The following RNF4 variants were observed in gnomAD, a reference collection of about 807,000 sequenced individuals.
RNF4 encodes E3 ubiquitin-protein ligase RNF4.
RNF4 carries 7 observed loss-of-function variants against 24.3 expected under a neutral mutation model. The observed-to-expected ratio is 0.29, with a 90% CI of 0.16 to 0.54. The LOEUF (loss-of-function observed/expected upper bound fraction) is 0.54. Among genes scored for constraint, RNF4 ranks in the 20% least tolerant of loss-of-function variants. The pLI is 0.95. For synonymous variants in RNF4, 83 were observed against 84.3 expected (o/e 0.98, Z 0.09); for missense variants, 209 against 248.5 (o/e 0.84, Z 1.07).
rs1405785113 is a variant in RNF4 at position 2,497,102 on chromosome 4, C to T, written c.105C>T (p.Pro35=). The change falls in exon 3 of 8, where the codon CCC becomes CCT. Residue 35 remains proline (P), a synonymous_variant. Transcript: ENST00000314289. The part of the protein sequence containing the change: ...STPEISLEAE[P]IELVETAGDE... ...CCGAGATCTCCTTGGAAGCAGAACCCATAGAACTCGTGGAAACTGGTAAGA... is the reference window on the plus strand; with the variant it reads ...CCGAGATCTCCTTGGAAGCAGAACCTATAGAACTCGTGGAAACTGGTAAGA... The T allele has an allele frequency of 6.2e-7, 1 of 1,608,034 alleles. No homozygotes were observed. Among genetic ancestry groups the T allele is most frequent in the Non-Finnish European group, 8.5e-7 (1 of 1,177,378 alleles).
intron 1 of RNF4, among the ~76,000 whole-genome samples, chr4:2,475,452 C>A (rs1560398839): frequency 6.6e-6 from 1 of 152,206 alleles, no homozygotes; most frequent in East Asian, 1.9e-4. Context: ...CATTCTCCTG[C>A]CTCAGCCTCC....
intron 1 of RNF4, among the ~76,000 whole-genome samples, chr4:2,478,997 T>G (rs1388715177): frequency 6.6e-6 from 1 of 152,140 alleles, no homozygotes; most frequent in Non-Finnish European, 1.5e-5. Context: ...GCCACAGGGG[T>G]GGAGCTGCCT....
At chr4:2,491,259 CAG>C (rs1214668894) in intron 2 of RNF4, among the ~76,000 whole-genome samples, 1 of 152,148 alleles carries the variant, frequency 6.6e-6, no homozygotes, top group African/African-American at 2.4e-5. Context: ...GTTTTTGAAA[CAG>C]GGTCTCGCTC....
chr4:2,476,891 C>G (rs1179937152), intron 1 of RNF4, among the ~76,000 whole-genome samples: 1 of 151,710 alleles, frequency 6.6e-6, no homozygotes, highest in Non-Finnish European at 1.5e-5. Context: ...AAGTGATTCA[C>G]CTGTCTCAGC....
At chr4:2,472,893 A>G (rs954438687) in intron 1 of RNF4, among the ~76,000 whole-genome samples, 1 of 151,770 alleles carries the variant, frequency 6.6e-6, no homozygotes, top group African/African-American at 2.4e-5. Context: ...ACAAAAAATT[A>G]GCCGGTCTTG....
At chr4:2,497,175 C>A in intron 3 of RNF4, 54 bp downstream of exon 3, 2 of 1,382,512 alleles carry the variant, frequency 1.4e-6, no homozygotes, top group Non-Finnish European at 1.0e-6. Flanking sequence ...AGAGAGAACA[C>A]TGTACCAGGG....
chr4:2,508,034 C>T (rs573281299), intron 4 of RNF4, among the ~76,000 whole-genome samples: 4 of 152,052 alleles, frequency 2.6e-5, no homozygotes, highest in Admixed American at 6.6e-5. Flanking sequence ...TTTGTATTGA[C>T]GGGATCTCGC....
In RNF4 at chr4:2,514,166, G is replaced by A. The variant is rs11542962; in HGVS notation, c.*347G>A. Reference sequence around the variant, plus strand: ...TTGGAAAGTTTGCCCCAGCTTTCCCGGGCACACCACCTTTTGTCCCAAGTG... The same window carrying A: ...TTGGAAAGTTTGCCCCAGCTTTCCCAGGCACACCACCTTTTGTCCCAAGTG... On this transcript the variant is annotated 3_prime_UTR_variant, in exon 8 of 8. Transcript: ENST00000314289. The A allele has an allele frequency of 6.3e-5, 17 of 268,900 alleles. No homozygotes were observed. The highest frequency in any genetic ancestry group is 1.2e-4 in the Non-Finnish European group (16 of 137,692). The allele number at this position is 268,900 out of a possible 1,614,324, so 16.7% of individuals were successfully genotyped here.
chr4:2,500,646 C>T lies in RNF4; in HGVS notation c.125-13C>T, dbSNP rs2108770175. Reference sequence around the variant, plus strand: ...CTTAATCTTAATGCTTGTTGAAATACTTTCTTTTGAAGCTGGAGATGAAAT... The same window carrying T: ...CTTAATCTTAATGCTTGTTGAAATATTTTCTTTTGAAGCTGGAGATGAAAT... On this transcript the variant is annotated splice_polypyrimidine_tract_variant and intron_variant, in intron 3 of 7. Transcript: ENST00000314289. 6.2e-7 allele frequency: 1 copy of T among 1,613,318 alleles called. No individual in the cohort carries two copies. Among genetic ancestry groups the T allele is most frequent in the South Asian group, 1.1e-5 (1 of 91,002 alleles).
At chr4:2,492,349 T>C (rs1735607633) in intron 2 of RNF4, among the ~76,000 whole-genome samples, 1 of 152,218 alleles carries the variant, frequency 6.6e-6, no homozygotes, top group East Asian at 1.9e-4. Context: ...TTATCACATC[T>C]GTGAGACAGC....
intron 1 of RNF4, among the ~76,000 whole-genome samples, chr4:2,473,082 G>T (rs528035102): frequency 6.7e-6 from 1 of 149,726 alleles, no homozygotes; most frequent in East Asian, 2.0e-4. Flanking sequence ...CATGGGAGGA[G>T]GTCAAAATAT....
At chr4:2,511,012 C>G (rs1347292633) in intron 4 of RNF4, among the ~76,000 whole-genome samples, 2 of 152,216 alleles carry the variant, frequency 1.3e-5, no homozygotes, top group African/African-American at 4.8e-5. Context: ...CTTGTAACAA[C>G]CTACTGAGCA....
intron 2 of RNF4, chr4:2,490,765 A>G (rs1735555095): frequency 5.0e-6 from 2 of 400,764 alleles, no homozygotes; most frequent in South Asian, 5.1e-5. Context: ...GACCTTCACA[A>G]CAGTTGTCAG....
chr4:2,473,594 C>T (rs1048634496), intron 1 of RNF4, among the ~76,000 whole-genome samples: 22 of 151,770 alleles, frequency 1.4e-4, no homozygotes, highest in Admixed American at 1.2e-3. Flanking sequence ...GGGTGGATTA[C>T]GAGGTCAGGA....
intron 4 of RNF4, 132 bp from the exon 5 acceptor site, chr4:2,511,824 G>C (rs761612544): frequency 3.7e-4 from 313 of 853,004 alleles, no homozygotes; most frequent in Admixed American, 1.0e-3. Flanking sequence ...TGGGAGGAGG[G>C]TGGGGCCTCT....
intron 2 of RNF4, 40 bp downstream of exon 2, chr4:2,490,542 C>G (rs750897446): frequency 1.3e-6 from 2 of 1,590,862 alleles, no homozygotes; most frequent in Non-Finnish European, 1.7e-6. Flanking sequence ...TTTTGTAGGG[C>G]TAATTAACTA....
chr4:2,478,297 A>G (rs1293633118), intron 1 of RNF4, among the ~76,000 whole-genome samples: 1 of 152,244 alleles, frequency 6.6e-6, no homozygotes, highest in Non-Finnish European at 1.5e-5. Context: ...TCAATGTGCT[A>G]GAAAATAAAA....
At chr4:2,475,029 AAAAAAG>A (rs1735025718) in intron 1 of RNF4, among the ~76,000 whole-genome samples, 2 of 152,170 alleles carry the variant, frequency 1.3e-5, no homozygotes, top group South Asian at 4.1e-4. Flanking sequence ...CTCCATCTCA[AAAAAAG>A]AAAAAGAAAA....
chr4:2,496,759 G>A (rs899766557), intron 2 of RNF4, among the ~76,000 whole-genome samples: 4 of 152,064 alleles, frequency 2.6e-5, no homozygotes, highest in African/African-American at 7.2e-5. Context: ...ATGCCCAGCC[G>A]ACCTGCTGAT....
Sources: allele counts gnomAD v4.1 joint callset (sites outside exome capture counted in the v4.1 genomes callset), GRCh38; gene constraint gnomAD v4.1.1; transcripts MANE v1.5; gene names NCBI Gene and HGNC (gene_info 2026-07-23, HGNC 2026-07-21).